The following THBS3 variants were observed in gnomAD, a reference collection of about 807,000 sequenced individuals.
THBS3 encodes thrombospondin 3, also known as thrombospondin-3.
Under a neutral mutation model 118.3 loss-of-function variants are expected in THBS3, and 78 were observed. That is an observed-to-expected ratio of 0.66 (90% CI 0.55 to 0.80). THBS3 has a LOEUF of 0.80. THBS3 is among the 30% of genes least tolerant of loss of function. The pLI is 0.00. For synonymous variants in THBS3, 427 were observed against 475.3 expected (o/e 0.90, Z 1.32); for missense variants, 1,057 against 1,247.4 (o/e 0.85, Z 2.30).
chr1:155,208,693 C>T (rs1670887414), upstream of THBS3: 11 of 1,168,938 alleles, frequency 9.4e-6, no homozygotes, highest in South Asian at 1.7e-4. Context: ...TTCCCCTCCC[C>T]CACCCAAGCC....
Position 155,201,470 on chromosome 1 carries a change from A to C in THBS3, c.1276T>G (p.Cys426Gly), listed in dbSNP as rs374975194. 2 of 1,613,554 alleles carry C rather than the reference A, an allele frequency of 1.2e-6. No individual in the cohort carries two copies. Among genetic ancestry groups the C allele is most frequent in the African/African-American group, 2.7e-5 (2 of 74,936 alleles). Residue 426 changes from cysteine to glycine, a missense_variant, in exon 11 of 23, where the codon TGC becomes GGC. Physicochemically the swap from Cys to Gly is radical, Grantham distance 159. Transcript: ENST00000368378. ...RTCHSPAHSP[C>G]HIHAHCLFER... Reference sequence around the variant, plus strand: ...AAGAGACAGTGAGCATGGATGTGGCAGGGGCTGTGGGCTGGGCTGTGGCAG... The same window carrying C: ...AAGAGACAGTGAGCATGGATGTGGCCGGGGCTGTGGGCTGGGCTGTGGCAG...
At position 155,202,493 on chromosome 1, in the gene THBS3, C is replaced by A; in HGVS notation, c.958-92G>T. On this transcript the variant is annotated intron_variant, in intron 8 of 22. Coordinates refer to ENST00000368378, the MANE Select transcript of THBS3 (RefSeq NM_007112.5). This position sits in a 1 kb window ranked among gnomAD's most constrained non-coding sequence, Gnocchi z 5.5. ...CCAGGAACCATTGCTCCAGGTCTCC[C>A]CTTTGTGCAGCTCTCCCCACACAAC... is the stretch of plus-strand genomic sequence containing the variant. The A allele has an allele frequency of 6.5e-7, 1 of 1,532,492 alleles. No individual in the cohort carries two copies. Among genetic ancestry groups the A allele is most frequent in the South Asian group, 1.2e-5 (1 of 81,020 alleles). 94.9% of individuals were successfully genotyped at this position (1,532,492 alleles called of 1,614,324 possible). A position where few individuals can be genotyped will look rare whatever the true frequency, so the allele number is the denominator to read the frequency against.
intron 21 of THBS3, 37 bp from the exon 22 acceptor site, chr1:155,196,163 C>T: frequency 1.2e-6 from 2 of 1,611,496 alleles, no homozygotes; most frequent in Non-Finnish European, 1.7e-6. Context: ...TCCATTGGTG[C>T]TAGGGTGCCA....
rs772044073 is a variant in THBS3, at chr1:155,201,496, G to A, written c.1250C>T (p.Thr417Ile). 1 of 1,613,794 alleles carries A rather than the reference G, an allele frequency of 6.2e-7. No individual in the cohort carries two copies. Among genetic ancestry groups the A allele is most frequent in the Non-Finnish European group, 8.5e-7 (1 of 1,179,816 alleles). The change falls in exon 11 of 23, where the codon ACC becomes ATC. Residue 417 changes from threonine (T) to isoleucine (I), a missense_variant. Thr to Ile is a moderately conservative substitution (Grantham distance 89). This residue lies in a region of THBS3 where 544 missense variants were observed against 715.6 expected (regional missense o/e 0.76). Transcript: ENST00000368378. Reference protein sequence around the residue: ...NQSQGCLPARTCHSPAHSPCH... With the variant: ...NQSQGCLPARICHSPAHSPCH... Reference sequence around the variant, plus strand: ...GGGGCTGTGGGCTGGGCTGTGGCAGGTCCGGGCTGGGAGGCAGCCCTGGCT... The same window carrying A: ...GGGGCTGTGGGCTGGGCTGTGGCAGATCCGGGCTGGGAGGCAGCCCTGGCT...
In THBS3 at chr1:155,202,620, C is replaced by T. The variant is rs1669949153; in HGVS notation, c.957+192G>A. ...CAAGCCTCCCCTGCAGTTTCCCCAG[C>T]TCCTTCCCTGTATGGCCTTCAGTCT... On this transcript the variant is annotated intron_variant, in intron 8 of 22. Coordinates refer to ENST00000368378, the MANE Select transcript of THBS3 (RefSeq NM_007112.5). The surrounding 1 kb of genome is among the most constrained non-coding windows in gnomAD (Gnocchi z 5.5). 6.6e-6 allele frequency among the ~76,000 whole-genome samples: 1 copy of T among 152,208 alleles called. No homozygotes were observed. The highest frequency in any genetic ancestry group is 2.4e-5 in the African/African-American group (1 of 41,438).
In THBS3 at chr1:155,200,401, TC is replaced by T. The variant is rs1313485099; in HGVS notation, c.1708+49del. The T allele has an allele frequency of 3.8e-6, 6 of 1,596,012 alleles. No homozygotes were observed. In the East Asian group the frequency reaches 1.3e-4, roughly 36 times the overall value. The stretch of plus-strand genomic sequence containing the variant: ...GCTTCCCTGCTTCATCCCCACCTGA[TC>T]CAAATTCTCACAGGTCCCCCAGCCA... On this transcript the variant is annotated intron_variant, in intron 14 of 22. Transcript: ENST00000368378.
Position 155,201,115 on chromosome 1 carries a change from G to T in THBS3, c.1419C>A (p.Asp473Glu), listed in dbSNP as rs773242038. The T allele has an allele frequency of 6.2e-7, 1 of 1,614,180 alleles. No homozygotes were observed. Among genetic ancestry groups the T allele is most frequent in the Non-Finnish European group, 8.5e-7 (1 of 1,180,048 alleles). ...GCACCTGTTTGCAGTGTTTGTTGTT[G>T]TCCATGCAGGGCAGTGCTTGGTCTG... ...GYPDQALPCM[D>E]NNKHCKQDNC... is the part of the protein sequence containing the mutation. Residue 473 changes from aspartate to glutamate, a missense_variant, in exon 12 of 23, where the codon GAC (aspartate) becomes GAA (glutamate). By Grantham distance (45) the Asp-to-Glu change is conservative (BLOSUM62 2). Transcript: ENST00000368378.
At chr1:155,208,062 G>T, upstream of THBS3, 2 of 589,814 alleles carry the variant, frequency 3.4e-6, no homozygotes, top group South Asian at 2.0e-5. Flanking sequence ...GGAACCAGGG[G>T]CACTGGGAAA....
chr1:155,200,925 G>GCAT lies in THBS3; in HGVS notation c.1517_1519dup (p.Asp506dup), dbSNP rs1463485544. On this transcript the variant is annotated inframe_insertion, in exon 13 of 23. Coordinates refer to ENST00000368378, the MANE Select transcript of THBS3 (RefSeq NM_007112.5). ...AACATTCTTGATCCCATCCCCATCA[G>GCAT]CATCATCATCACACTGGTCCCCCAC... 1 of 1,613,956 alleles carries GCAT rather than the reference G, an allele frequency of 6.2e-7. No individual in the cohort carries two copies. The highest frequency in any genetic ancestry group is 1.7e-5 in the Admixed American group (1 of 60,000).
Position 155,207,797 on chromosome 1 carries a change from C to T in THBS3, c.79+1G>A. 6.2e-7 allele frequency: 1 copy of T among 1,613,978 alleles called. No homozygotes were observed. Among genetic ancestry groups the T allele is most frequent in the Admixed American group, 1.7e-5 (1 of 60,014 alleles). Reference sequence around the variant, plus strand: ...GTCTAAGAGGATGGAGACAGGCTTACCCTGCAGATCCTGACTGGCAGATGT... The same window carrying T: ...GTCTAAGAGGATGGAGACAGGCTTATCCTGCAGATCCTGACTGGCAGATGT... On this transcript the variant is annotated splice_donor_variant, in intron 1 of 22. Coordinates refer to ENST00000368378, the MANE Select transcript of THBS3 (RefSeq NM_007112.5). LOFTEE classifies it high-confidence loss of function.
chr1:155,208,187 CTG>C (rs1400500650), upstream of THBS3, among the ~76,000 whole-genome samples: 3 of 152,044 alleles, frequency 2.0e-5, no homozygotes, highest in Admixed American at 2.0e-4. Context: ...CCGAATGCCA[CTG>C]TTTTCTGGAA....
upstream of THBS3, chr1:155,209,130 C>A: frequency 6.5e-7 from 1 of 1,540,924 alleles, no homozygotes; most frequent in Non-Finnish European, 8.8e-7. Flanking sequence ...AGCCTCGCCT[C>A]CCCGGGGATC....
At position 155,197,973 on chromosome 1, in the gene THBS3, T is replaced by A. The variant is rs1668969786; in HGVS notation, c.2254-45A>T. 1.2e-6 allele frequency: 2 copies of A among 1,613,930 alleles called. No individual in the cohort carries two copies. The highest frequency in any genetic ancestry group is 1.7e-6 in the Non-Finnish European group (2 of 1,179,990). On this transcript the variant is annotated intron_variant, in intron 18 of 22. Coordinates refer to ENST00000368378, the MANE Select transcript of THBS3 (RefSeq NM_007112.5). The surrounding 1 kb of genome is among the most constrained non-coding windows in gnomAD (Gnocchi z 5.0). Reference sequence around the variant, plus strand: ...AAAAAGCTGTGATGCAGGTGTGCTATCCCTCCCAGGCCCCCCGTCCCAGTA... The same window carrying A: ...AAAAAGCTGTGATGCAGGTGTGCTAACCCTCCCAGGCCCCCCGTCCCAGTA...
chr1:155,196,902 C>T, intron 21 of THBS3, 139 bp downstream of exon 21: 1 of 778,426 alleles, frequency 1.3e-6, no homozygotes, highest in Non-Finnish European at 2.1e-6. Context: ...CTCATAGGTG[C>T]TTGTGTCCGT....
chr1:155,200,844 AGGACAGGAGGAGGGGAGAGGAGCTTCAAG>A (rs1669586936), intron 13 of THBS3, 24 bp downstream of exon 13: 1 of 1,613,320 alleles, frequency 6.2e-7, no homozygotes, highest in Non-Finnish European at 8.5e-7. Context: ...AGGCACAGAG[AGGACAGGAGGAGGGGAGAGGAGCTTCAAG>A]GGGCAGGGCA....
At chr1:155,203,015 A>G (rs1020542211) in intron 7 of THBS3, 55 bp from the exon 8 acceptor site, 1 of 1,613,898 alleles carries the variant, frequency 6.2e-7, no homozygotes, top group African/African-American at 1.3e-5. Context: ...AGCCACCAGA[A>G]GGGAAAGCCA....
intron 10 of THBS3, 136 bp downstream of exon 10, chr1:155,201,821 G>T: frequency 7.5e-7 from 1 of 1,328,870 alleles, no homozygotes; most frequent in Non-Finnish European, 1.1e-6. Context: ...TCCAAACCAA[G>T]TCCATGTGAA....
In THBS3 at chr1:155,197,520, C is replaced by G; in HGVS notation, c.2442G>C (p.Gln814His). The G allele has an allele frequency of 6.2e-7, 1 of 1,614,136 alleles. No homozygotes were observed. The change falls in exon 20 of 23, where the codon CAG becomes CAC. Residue 814 changes from glutamine (Q) to histidine (H), a missense_variant. Around this residue, in one of 3 missense-constraint regions of THBS3, gnomAD observed 307 missense variants for 326.1 expected, o/e 0.94. Coordinates refer to ENST00000368378, the MANE Select transcript of THBS3 (RefSeq NM_007112.5). This position sits in a 1 kb window ranked among gnomAD's most constrained non-coding sequence, Gnocchi z 5.0. The stretch of plus-strand genomic sequence containing the variant: ...GGAAGGGTGTAGCCTGCCAGTAGGT[C>G]TGCTCGGTCTGCTTCCACATGACTA... ...FYVVMWKQTE[Q>H]TYWQATPFRA...
intron 16 of THBS3, among the ~76,000 whole-genome samples, chr1:155,199,199 A>C (rs1669235231): frequency 6.6e-6 from 1 of 151,108 alleles, no homozygotes; most frequent in African/African-American, 2.4e-5. Flanking sequence ...TCACGAGATC[A>C]GGAGATCGAG....
Sources: gnomAD v4.1 joint callset for allele counts (sites outside exome capture counted in the v4.1 genomes callset) on GRCh38, gnomAD v4.1.1 for gene constraint, gnomAD v4.1.1 regional missense constraint, Gnocchi (gnomAD v3.1) non-coding constraint, MANE v1.5 for transcripts, NCBI Gene and HGNC (gene_info 2026-07-23, HGNC 2026-07-21) for gene names.